RBFOX1: variants seen among roughly 807,000 people sequenced by gnomAD.
RBFOX1 encodes the protein RNA binding protein fox-1 homolog 1.
A neutral mutation model predicts 57.7 loss-of-function variants in RBFOX1; 8 were observed. The observed-to-expected ratio is 0.14, with a 90% CI of 0.08 to 0.25. The LOEUF (loss-of-function observed/expected upper bound fraction) is 0.25, where lower values mean the gene tolerates loss of function less well. Among genes scored for constraint, RBFOX1 ranks in the 10% least tolerant of loss-of-function variants. RBFOX1 has a pLI of 1.00. For synonymous variants in RBFOX1, 326 were observed against 222.4 expected (o/e 1.47, Z -4.15); for missense variants, 611 against 548.5 (o/e 1.11, Z -1.14).
chr16:5,708,551 CAGAATCCTGCTTTA>C (rs1421422985), intron 3 of RBFOX1, among the ~76,000 whole-genome samples: 1 of 152,198 alleles, frequency 6.6e-6, no homozygotes, highest in Non-Finnish European at 1.5e-5. Context: ...TTTATGAAAA[CAGAATCCTGCTTTA>C]AGCAGCTGAC....
At position 7,352,455 on chromosome 16, in the gene RBFOX1, T is replaced by C. The variant is rs534876024; in HGVS notation, c.28-165692T>C. On this transcript the variant is annotated intron_variant, in intron 4 of 15. Transcript: ENST00000550418. ...AGCTATTGCCTTACTCAGGTGAATG[T>C]CATCTGAAGACGTGGGGTGGGTAAG... Among the ~76,000 whole-genome samples, 168 of 152,290 alleles carry C rather than the reference T, an allele frequency of 1.1e-3. 1 individual carries two copies. Among genetic ancestry groups the C allele is most frequent in the South Asian group, 2.3e-3 (11 of 4,828 alleles).
chr16:6,669,982 C>T (rs1207186021), intron 3 of RBFOX1, among the ~76,000 whole-genome samples: 1 of 152,162 alleles, frequency 6.6e-6, no homozygotes, highest in Non-Finnish European at 1.5e-5. Flanking sequence ...CCCTAACTTA[C>T]AGTAAGGAAA....
At chr16:7,375,474 C>G (rs560303866) in intron 4 of RBFOX1, among the ~76,000 whole-genome samples, 1 of 151,732 alleles carries the variant, frequency 6.6e-6, no homozygotes, top group Admixed American at 6.6e-5. Context: ...CTGCATTGGG[C>G]TCCCATGTGT....
chr16:6,246,611 C>G (rs1019444074), intron 1 of RBFOX1, among the ~76,000 whole-genome samples: 1 of 152,064 alleles, frequency 6.6e-6, no homozygotes, highest in East Asian at 1.9e-4. Context: ...GGTGATTCCA[C>G]CAGAAGAGAG....
intron 4 of RBFOX1, chr16:7,510,063 T>A: frequency 6.0e-6 from 5 of 838,010 alleles, no homozygotes; most frequent in Non-Finnish European, 4.3e-6. Flanking sequence ...AAGCTGTGAT[T>A]GATGGGCCAG....
intron 4 of RBFOX1, among the ~76,000 whole-genome samples, chr16:7,517,546 A>G (rs1385629130): frequency 9.5e-5 from 2 of 21,036 alleles, no homozygotes; most frequent in South Asian, 3.0e-3. Flanking sequence ...GCATACACAC[A>G]CACAGACACA....
intron 3 of RBFOX1, among the ~76,000 whole-genome samples, chr16:5,792,169 C>T (rs1597272987): frequency 1.3e-5 from 2 of 152,188 alleles, no homozygotes; most frequent in South Asian, 4.1e-4. Flanking sequence ...TAAAAGAGAA[C>T]CTGGGACAAG....
intron 1 of RBFOX1, among the ~76,000 whole-genome samples, chr16:5,261,422 C>T (rs1365850144): frequency 6.6e-6 from 1 of 152,028 alleles, no homozygotes; most frequent in Non-Finnish European, 1.5e-5. Context: ...AGTTCTTGAA[C>T]ATGTGATAGT....
intron 1 of RBFOX1, among the ~76,000 whole-genome samples, chr16:6,115,764 G>T (rs547165894): frequency 6.6e-6 from 1 of 152,074 alleles, no homozygotes; most frequent in African/African-American, 2.4e-5. Context: ...GGTTTGCCTT[G>T]TGGTCATAAT....
chr16:6,404,575 A>C (rs778005920), intron 2 of RBFOX1, among the ~76,000 whole-genome samples: 9 of 152,014 alleles, frequency 5.9e-5, no homozygotes, highest in South Asian at 2.1e-4. Flanking sequence ...TTAGTTTTTG[A>C]TCCTTTTTCT....
intron 3 of RBFOX1, among the ~76,000 whole-genome samples, chr16:5,616,964 G>A (rs768489873): frequency 1.4e-5 from 2 of 146,014 alleles, no homozygotes; most frequent in African/African-American, 2.5e-5. Context: ...CTTATTGGCA[G>A]TACCCTTATT....
intron 4 of RBFOX1, among the ~76,000 whole-genome samples, chr16:7,373,368 A>G (rs1224646894): frequency 6.6e-6 from 1 of 152,200 alleles, no homozygotes; most frequent in African/African-American, 2.4e-5. Flanking sequence ...GCAAAGCTAC[A>G]GGTACTATTA....
intron 3 of RBFOX1, among the ~76,000 whole-genome samples, chr16:6,659,652 C>G (rs1443756154): frequency 6.6e-6 from 1 of 152,038 alleles, no homozygotes; most frequent in African/African-American, 2.4e-5. Flanking sequence ...CTCTTAGTTT[C>G]AATACTACCC....
chr16:7,088,571 A>G (rs886523299), intron 4 of RBFOX1, among the ~76,000 whole-genome samples: 1 of 152,194 alleles, frequency 6.6e-6, no homozygotes, highest in Non-Finnish European at 1.5e-5. Context: ...TCGTATTAAA[A>G]TAAGAGCAAT....
intron 4 of RBFOX1, among the ~76,000 whole-genome samples, chr16:7,223,580 C>G (rs911408939): frequency 1.2e-4 from 19 of 152,084 alleles, no homozygotes; most frequent in African/African-American, 4.6e-4. Context: ...TGCAGGAGAT[C>G]CAACTCACAT....
chr16:6,911,046 C>T (rs543667143), intron 3 of RBFOX1, among the ~76,000 whole-genome samples: 24 of 151,972 alleles, frequency 1.6e-4, no homozygotes, highest in African/African-American at 5.5e-4. Context: ...ACCAAAAATA[C>T]AAAAATTAGC....
At chr16:7,693,480 A>T in intron 14 of RBFOX1, 2 of 361,814 alleles carry the variant, frequency 5.5e-6, no homozygotes, top group South Asian at 5.1e-5. Flanking sequence ...TTTAGTTAAG[A>T]AAAAAAAAAA....
At chr16:5,428,277 A>G (rs2067625608) in intron 1 of RBFOX1, among the ~76,000 whole-genome samples, 3 of 152,202 alleles carry the variant, frequency 2.0e-5, no homozygotes, top group Admixed American at 1.3e-4. Context: ...ATTGCTTGCT[A>G]TAAAATGATT....
intron 4 of RBFOX1, among the ~76,000 whole-genome samples, chr16:5,982,971 G>A (rs1428894078): frequency 1.3e-5 from 2 of 152,200 alleles, no homozygotes; most frequent in Admixed American, 6.6e-5. Context: ...CCATTGTCCA[G>A]TTACCACTCC....
Sources: allele counts gnomAD v4.1 joint callset (sites outside exome capture counted in the v4.1 genomes callset), GRCh38; gene constraint gnomAD v4.1.1; transcripts MANE v1.5; gene names NCBI Gene and HGNC (gene_info 2026-07-23, HGNC 2026-07-21).